Variants in ARFGAP3 observed in about 807,000 individuals in gnomAD.
ARFGAP3 encodes the protein ADP-ribosylation factor GTPase-activating protein 3.
A neutral mutation model predicts 75.0 loss-of-function variants in ARFGAP3; 72 were observed. That is an observed-to-expected ratio of 0.96 (90% CI 0.79 to 1.17). ARFGAP3 has a LOEUF of 1.17. Among genes scored for constraint, ARFGAP3 ranks in the 50% most tolerant of loss-of-function variants. The pLI is 0.00. For missense variants in ARFGAP3, 620 were observed against 626.6 expected (o/e 0.99, Z 0.11); for synonymous variants, 221 against 217.9 (o/e 1.01, Z -0.13).
Position 42,799,092 on chromosome 22 carries a change from A to G in ARFGAP3, c.1480T>C (p.Ser494Pro). ...DMAQFKQGVR[S>P]VAGKLSVFAN... is the part of the protein sequence containing the mutation. ...AAGACGGAGAGTTTTCCAGCAACCGATCTCACTCCCTGCTTGAACTGCGCC... is the reference window on the plus strand; with the variant it reads ...AAGACGGAGAGTTTTCCAGCAACCGGTCTCACTCCCTGCTTGAACTGCGCC... Residue 494 changes from serine (S) to proline (P), a missense_variant, in exon 15 of 16, where the codon TCG becomes CCG. Transcript: ENST00000263245. 6.2e-7 allele frequency: 1 copy of G among 1,614,078 alleles called. No homozygotes were observed. Among genetic ancestry groups the G allele is most frequent in the East Asian group, 2.2e-5 (1 of 44,872 alleles).
intron 14 of ARFGAP3, among the ~76,000 whole-genome samples, chr22:42,805,494 A>C (rs1602092185): frequency 6.6e-6 from 1 of 152,292 alleles, no homozygotes; most frequent in African/African-American, 2.4e-5. Flanking sequence ...AGGTCTCCAA[A>C]GGTGGCCGGA....
chr22:42,821,145 C>T (rs1330423672), intron 9 of ARFGAP3, among the ~76,000 whole-genome samples: 1 of 152,206 alleles, frequency 6.6e-6, no homozygotes, highest in Non-Finnish European at 1.5e-5. Context: ...GGAGACACGA[C>T]CAGAGCCATA....
chr22:42,835,962 C>T (rs9611929), intron 3 of ARFGAP3, among the ~76,000 whole-genome samples: 5,731 of 150,038 alleles, frequency 0.038, 156 homozygotes, highest in African/African-American at 0.073. Flanking sequence ...TTTTAATTCA[C>T]GAGCAATCCA....
rs61069304 is a variant in ARFGAP3 at position 42,797,269 on chromosome 22, G to C, written c.*319C>G. The C allele has an allele frequency of 0.012, 4,168 of 340,510 alleles. 164 individuals carry two copies. Among genetic ancestry groups the C allele is most frequent in the African/African-American group, 0.085 (3,936 of 46,344 alleles). 21.1% of individuals were successfully genotyped at this position (340,510 alleles called of 1,614,324 possible). A position where few individuals can be genotyped will look rare whatever the true frequency, so the allele number is the denominator to read the frequency against. On this transcript the variant is annotated 3_prime_UTR_variant, in exon 16 of 16. Coordinates refer to ENST00000263245, the MANE Select transcript of ARFGAP3 (RefSeq NM_014570.5). The stretch of plus-strand genomic sequence containing the variant: ...CCTCCTCCCCCACATGAAGCCTCCT[G>C]GTTCAGGAGCAGGAGGAGCCGAGGT...
intron 14 of ARFGAP3, 103 bp downstream of exon 14, chr22:42,806,970 A>T: frequency 8.4e-7 from 1 of 1,190,166 alleles, no homozygotes; most frequent in Non-Finnish European, 1.1e-6. Flanking sequence ...AGCATCGAAT[A>T]ATGGTTGCTA....
At chr22:42,831,860 G>A in intron 5 of ARFGAP3, 1 of 535,348 alleles carries the variant, frequency 1.9e-6, no homozygotes, top group Non-Finnish European at 2.4e-6. Flanking sequence ...ACAGCTCACT[G>A]GAGCCTTGAC....
At chr22:42,822,486 T>G (rs571647730) in intron 8 of ARFGAP3, 77 bp from the exon 9 acceptor site, 1 of 1,545,438 alleles carries the variant, frequency 6.5e-7, no homozygotes, top group African/African-American at 1.4e-5. Context: ...TTCCTAAGGG[T>G]TAGGACCTGC....
In ARFGAP3 at chr22:42,849,663, G is replaced by A. The variant is rs998525775; in HGVS notation, c.70-2031C>T. ...ACTGCAGTCTCGAACTCTTGAGCTC[G>A]AGCCATCCACCCCCCTCAGCCTCCT... On this transcript the variant is annotated intron_variant, in intron 1 of 15. Coordinates refer to ENST00000263245, the MANE Select transcript of ARFGAP3 (RefSeq NM_014570.5). Among the ~76,000 whole-genome samples, 5 of 151,146 alleles carry A rather than the reference G, an allele frequency of 3.3e-5. No homozygotes were observed. The East Asian group carries it at 5.9e-4, about 18-fold the overall frequency.
intron 11 of ARFGAP3, among the ~76,000 whole-genome samples, chr22:42,812,358 C>T (rs1925404562): frequency 1.3e-5 from 2 of 151,966 alleles, no homozygotes; most frequent in South Asian, 2.1e-4. Flanking sequence ...GAGGCAGATC[C>T]CAGGGAGGTC....
chr22:42,823,053 A>G (rs921878834), intron 8 of ARFGAP3, among the ~76,000 whole-genome samples: 2 of 151,942 alleles, frequency 1.3e-5, no homozygotes, highest in African/African-American at 4.8e-5. Context: ...CAAGTGATCC[A>G]CCTGCCTCGG....
At chr22:42,829,310 G>C (rs1444189902) in intron 6 of ARFGAP3, among the ~76,000 whole-genome samples, 1 of 152,184 alleles carries the variant, frequency 6.6e-6, no homozygotes, top group Non-Finnish European at 1.5e-5. Flanking sequence ...GTTGTGACTG[G>C]GAGTGCTCGT....
chr22:42,827,319 C>T (rs1247495427), intron 6 of ARFGAP3, among the ~76,000 whole-genome samples: 1 of 152,168 alleles, frequency 6.6e-6, no homozygotes, highest in Non-Finnish European at 1.5e-5. Flanking sequence ...CCTCTGTGGA[C>T]TATACATACC....
chr22:42,849,649 G>A (rs944828003), intron 1 of ARFGAP3, among the ~76,000 whole-genome samples: 1 of 150,142 alleles, frequency 6.7e-6, no homozygotes, highest in African/African-American at 2.5e-5. Context: ...CTGCAGTCTC[G>A]AACTCTTGAG....
chr22:42,830,574 G>C (rs73886147), intron 6 of ARFGAP3, among the ~76,000 whole-genome samples: 3,617 of 152,202 alleles, frequency 0.024, 141 homozygotes, highest in African/African-American at 0.084. Flanking sequence ...CATTTTTGTT[G>C]TTAATTTACA....
At chr22:42,815,521 T>A (rs1925539274) in intron 11 of ARFGAP3, among the ~76,000 whole-genome samples, 1 of 152,108 alleles carries the variant, frequency 6.6e-6, no homozygotes, top group Non-Finnish European at 1.5e-5. Context: ...CTATAAACAT[T>A]GATAGGAAAA....
chr22:42,844,453 C>T (rs971522959), intron 2 of ARFGAP3, among the ~76,000 whole-genome samples: 12 of 152,014 alleles, frequency 7.9e-5, no homozygotes, highest in African/African-American at 2.9e-4. Flanking sequence ...GGTGTGGTGG[C>T]ACACACCTGT....
At position 42,837,649 on chromosome 22, in the gene ARFGAP3, A is replaced by T. The variant is rs1267383234; in HGVS notation, c.262-2156T>A. 2.8e-5 allele frequency among the ~76,000 whole-genome samples: 4 copies of T among 143,012 alleles called. No individual in the cohort carries two copies. The East Asian group carries it at 8.3e-4, about 30-fold the overall frequency. 93.8% of individuals were successfully genotyped at this position (143,012 alleles called of 152,430 possible). A position where few individuals can be genotyped will look rare whatever the true frequency, so the allele number is the denominator to read the frequency against. On this transcript the variant is annotated intron_variant, in intron 3 of 15. Transcript: ENST00000263245. ...AAAAAAAAAAAAAAAACCAAAAAAA[A>T]GCCTTGAAACATCTAAGGCATACTT...
At chr22:42,816,412 A>AC (rs1925582245) in intron 11 of ARFGAP3, among the ~76,000 whole-genome samples, 1 of 152,010 alleles carries the variant, frequency 6.6e-6, no homozygotes, top group South Asian at 2.1e-4. Flanking sequence ...CCATATTCTT[A>AC]CCCCTCTGTT....
intron 13 of ARFGAP3, among the ~76,000 whole-genome samples, chr22:42,807,935 G>A (rs1164450084): frequency 1.3e-5 from 2 of 151,396 alleles, no homozygotes; most frequent in African/African-American, 4.9e-5. Flanking sequence ...TGTAGAGACG[G>A]AGTTTCATCA....
Sources: gnomAD v4.1 joint callset for allele counts (sites outside exome capture counted in the v4.1 genomes callset) on GRCh38, gnomAD v4.1.1 for gene constraint, MANE v1.5 for transcripts, NCBI Gene and HGNC (gene_info 2026-07-23, HGNC 2026-07-21) for gene names.